Variants in ZNF652 observed in about 807,000 individuals in gnomAD.
ZNF652 encodes zinc finger protein 652.
A neutral mutation model predicts 45.2 loss-of-function variants in ZNF652; 16 were observed. The observed-to-expected ratio is 0.35, with a 90% CI of 0.24 to 0.54. The LOEUF (loss-of-function observed/expected upper bound fraction) is 0.54, where lower values mean the gene tolerates loss of function less well. Among genes scored for constraint, ZNF652 ranks in the 20% least tolerant of loss-of-function variants. The pLI, the probability that ZNF652 is intolerant of heterozygous loss-of-function variation, is 0.91. For missense variants in ZNF652, 614 were observed against 765.6 expected (o/e 0.80, Z 2.34); for synonymous variants, 250 against 260.6 (o/e 0.96, Z 0.39).
At chr17:49,346,148 T>G (rs1427787299) in intron 1 of ZNF652, among the ~76,000 whole-genome samples, 1 of 152,188 alleles carries the variant, frequency 6.6e-6, no homozygotes, top group African/African-American at 2.4e-5. Flanking sequence ...TTTGTCCTAG[T>G]TTACTGGGAA....
intron 1 of ZNF652, among the ~76,000 whole-genome samples, chr17:49,359,896 C>G (rs761853497): frequency 6.9e-6 from 1 of 144,530 alleles, no homozygotes; most frequent in South Asian, 2.1e-4. Flanking sequence ...GCAGGTACAC[C>G]GCTATGAGAA....
intron 1 of ZNF652, among the ~76,000 whole-genome samples, chr17:49,352,472 A>G (rs2119931): frequency 0.67 from 101,536 of 152,116 alleles, 34,119 homozygotes; most frequent in Non-Finnish European, 0.7. Flanking sequence ...AAGGCTCAAA[A>G]TGAAGTATTC....
chr17:49,317,882 A>G lies in ZNF652; in HGVS notation c.-157T>C. ...CTGTGTGCAATTCTTCCAGTGTTGCAGCACCAAAGCATGAGTCAAAAAGGT... is the reference window on the plus strand; with the variant it reads ...CTGTGTGCAATTCTTCCAGTGTTGCGGCACCAAAGCATGAGTCAAAAAGGT... On this transcript the variant is annotated 5_prime_UTR_variant, in exon 2 of 6. Transcript: ENST00000430262. 1.2e-6 allele frequency: 1 copy of G among 814,792 alleles called. No individual in the cohort carries two copies. The highest frequency in any genetic ancestry group is 1.7e-5 in the African/African-American group (1 of 57,960). 50.5% of individuals were successfully genotyped at this position (814,792 alleles called of 1,614,324 possible). A position where few individuals can be genotyped will look rare whatever the true frequency, so the allele number is the denominator to read the frequency against.
In ZNF652 at chr17:49,316,919, C is replaced by G. The variant is rs541980606; in HGVS notation, c.807G>C (p.Arg269Ser). 6.2e-7 allele frequency: 1 copy of G among 1,614,136 alleles called. No homozygotes were observed. The highest frequency in any genetic ancestry group is 1.1e-5 in the South Asian group (1 of 91,078). ...CACATTTATCACAAATCTGCATGCG[C>G]CTATGAGTAACGTTCATGTGCTTCT... ...YLEKHMNVTH[R>S]RMQICDKCGK... is the part of the protein sequence containing the mutation. Residue 269 changes from arginine (R) to serine (S), a missense_variant, in exon 2 of 6, where the codon AGG becomes AGC. Around this residue, in one of 5 missense-constraint regions of ZNF652, gnomAD observed 262 missense variants for 306.3 expected, o/e 0.86. Transcript: ENST00000430262.
Position 49,298,614 on chromosome 17 carries a change from A to AG in ZNF652, c.1619dup (p.Arg541SerfsTer38). ...GTGAGAAGGGGTGGGGGATGGGCCG[A>AG]GGGGGAAGAGTGCTTACAGGATTCA... On this transcript the variant is annotated frameshift_variant, in exon 6 of 6. Transcript: ENST00000430262. LOFTEE classifies it high-confidence loss of function. 6.3e-7 allele frequency: 1 copy of AG among 1,599,864 alleles called. No individual in the cohort carries two copies. Among genetic ancestry groups the AG allele is most frequent in the Non-Finnish European group, 8.5e-7 (1 of 1,175,252 alleles).
chr17:49,343,917 G>A (rs35406341), intron 1 of ZNF652, among the ~76,000 whole-genome samples: 58,540 of 151,826 alleles, frequency 0.39, 12,432 homozygotes, highest in Non-Finnish European at 0.48. Context: ...TAGCTAGGCC[G>A]GCCAGGCGCG....
chr17:49,353,978 T>A (rs1490552711), intron 1 of ZNF652, among the ~76,000 whole-genome samples: 1 of 151,846 alleles, frequency 6.6e-6, no homozygotes, highest in African/African-American at 2.4e-5. Flanking sequence ...CCATAAGAGG[T>A]GATGAAAGGA....
At chr17:49,327,761 ATATATATATATATATATATT>A (rs1567690464) in intron 1 of ZNF652, among the ~76,000 whole-genome samples, 18 of 10,076 alleles carry the variant, frequency 1.8e-3, no homozygotes, top group Non-Finnish European at 2.7e-3. Context: ...ATATATATAT[ATATATATATATATATATATT>A]TTTTTTTTTT....
chr17:49,304,154 C>T (rs938860021), intron 5 of ZNF652, among the ~76,000 whole-genome samples: 1 of 151,136 alleles, frequency 6.6e-6, no homozygotes, highest in Non-Finnish European at 1.5e-5. Context: ...CCCACCTCAG[C>T]CTCCCAAAGT....
chr17:49,298,878 G>A lies in ZNF652; in HGVS notation c.1356C>T (p.Ser452=), dbSNP rs1209972837. The A allele has an allele frequency of 3.7e-6, 6 of 1,613,276 alleles. No homozygotes were observed. Among genetic ancestry groups the A allele is most frequent in the Non-Finnish European group, 3.4e-6 (4 of 1,179,666 alleles). The stretch of plus-strand genomic sequence containing the variant: ...TGCGGTGTCTCTTCATGTTGGGGCG[G>A]CTGGTGAAGCTTTTGCCACAGATTT... ...ICEICGKSFT[S]RPNMKRHRRT... is the part of the protein sequence containing the mutation. Residue 452 remains serine (S), a synonymous_variant, in exon 6 of 6, where the codon AGC becomes AGT. Coordinates refer to ENST00000430262, the MANE Select transcript of ZNF652 (RefSeq NM_001145365.3).
intron 5 of ZNF652, among the ~76,000 whole-genome samples, chr17:49,299,672 C>T (rs957916222): frequency 5.3e-5 from 8 of 152,108 alleles, no homozygotes; most frequent in Admixed American, 2.6e-4. Flanking sequence ...TGAGCCACTG[C>T]GCCTGGCTGC....
chr17:49,335,426 G>A (rs2070069933), intron 1 of ZNF652, among the ~76,000 whole-genome samples: 1 of 152,090 alleles, frequency 6.6e-6, no homozygotes, highest in Non-Finnish European at 1.5e-5. Context: ...TGTTCTACAA[G>A]TTTGTGCTGA....
intron 1 of ZNF652, among the ~76,000 whole-genome samples, chr17:49,357,584 T>C (rs150175614): frequency 7.4e-4 from 113 of 152,332 alleles, no homozygotes; most frequent in Admixed American, 1.1e-3. Flanking sequence ...ATAACTACTA[T>C]ATAAACAAAC....
At chr17:49,300,551 T>A (rs1358223713) in intron 5 of ZNF652, among the ~76,000 whole-genome samples, 1 of 152,244 alleles carries the variant, frequency 6.6e-6, no homozygotes, top group Non-Finnish European at 1.5e-5. Flanking sequence ...TATGATTCTA[T>A]ATGTCCATCA....
Position 49,292,366 on chromosome 17 carries a change from C to T in ZNF652, c.*6047G>A, listed in dbSNP as rs1336582712. ...GTGCTCGATCATATTATATAAAACA[C>T]TGCAACCTCCTTTTCATTACATCCT... is the stretch of plus-strand genomic sequence containing the variant. On this transcript the variant is annotated 3_prime_UTR_variant, in exon 6 of 6. Coordinates refer to ENST00000430262, the MANE Select transcript of ZNF652 (RefSeq NM_001145365.3). 6.6e-6 allele frequency among the ~76,000 whole-genome samples: 1 copy of T among 152,226 alleles called. No individual in the cohort carries two copies. Among genetic ancestry groups the T allele is most frequent in the Non-Finnish European group, 1.5e-5 (1 of 68,040 alleles).
intron 1 of ZNF652, among the ~76,000 whole-genome samples, chr17:49,350,245 A>T (rs2070255997): frequency 6.6e-6 from 1 of 152,202 alleles, no homozygotes; most frequent in Non-Finnish European, 1.5e-5. Flanking sequence ...AAAAATAAAA[A>T]AAAAAAAGTG....
rs2069440535 is a variant in ZNF652 at position 49,294,113 on chromosome 17, T to TA, written c.*4299dup. 1.3e-5 allele frequency among the ~76,000 whole-genome samples: 2 copies of TA among 152,126 alleles called. No individual in the cohort carries two copies. The highest frequency in any genetic ancestry group is 4.8e-5 in the African/African-American group (2 of 41,430). On this transcript the variant is annotated 3_prime_UTR_variant, in exon 6 of 6. Coordinates refer to ENST00000430262, the MANE Select transcript of ZNF652 (RefSeq NM_001145365.3). ...AAATTTAAAACTTCCAGTGAAATAATAATGGAACTAAACATACATATCTAT... is the reference window on the plus strand; with the variant it reads ...AAATTTAAAACTTCCAGTGAAATAATAAATGGAACTAAACATACATATCTAT...
At chr17:49,351,039 ACACACACACACACACAT>A (rs2070276840) in intron 1 of ZNF652, among the ~76,000 whole-genome samples, 2 of 138,886 alleles carry the variant, frequency 1.4e-5, no homozygotes, top group Non-Finnish European at 3.1e-5. Flanking sequence ...ACACACACAC[ACACACACACACACACAT>A]ATTTTTATAT....
rs2069375494 is a variant in ZNF652, at chr17:49,289,422, T to C, written c.*8991A>G. On this transcript the variant is annotated 3_prime_UTR_variant, in exon 6 of 6. Transcript: ENST00000430262. ...AATTTTTTATACTTAAAATCATGAT[T>C]GAGTTGAAATAAAAAAGTGCATTTC... The C allele has an allele frequency of 6.6e-6, 1 of 152,146 alleles. No individual in the cohort carries two copies. Among genetic ancestry groups the C allele is most frequent in the South Asian group, 2.1e-4 (1 of 4,836 alleles). 9.4% of individuals were successfully genotyped at this position (152,146 alleles called of 1,614,324 possible).
Sources: allele counts gnomAD v4.1 joint callset (sites outside exome capture counted in the v4.1 genomes callset), GRCh38; gene constraint gnomAD v4.1.1; regional missense constraint gnomAD v4.1.1; transcripts MANE v1.5; gene names NCBI Gene and HGNC (gene_info 2026-07-23, HGNC 2026-07-21).